The following MARF1 variants were observed in gnomAD, a reference collection of about 807,000 sequenced individuals.
The protein encoded by MARF1 is meiosis regulator and mRNA stability factor 1.
In MARF1, 24 loss-of-function variants were observed where a neutral mutation model predicts 168.2. The ratio of observed to expected loss-of-function variants is 0.14; its 90% CI spans 0.10 to 0.20. The LOEUF is 0.20. MARF1 is among the 10% of genes least tolerant of loss of function. The probability of loss-of-function intolerance (pLI) is 1.00; values close to 1 mark genes in which losing one functional copy is unlikely to be tolerated. For missense variants in MARF1, 1,744 were observed against 2,143.6 expected (o/e 0.81, Z 3.68); for synonymous variants, 868 against 822.4 (o/e 1.06, Z -0.95).
Position 15,639,141 on chromosome 16 carries a change from G to T in MARF1, c.93C>A (p.Phe31Leu), listed in dbSNP as rs370062296. The T allele has an allele frequency of 2.9e-5, 47 of 1,614,044 alleles. 1 individual carries two copies. The highest frequency in any genetic ancestry group is 3.8e-5 in the Non-Finnish European group (45 of 1,180,026). The change falls in exon 2 of 27, where the codon TTC becomes TTA. Residue 31 changes from phenylalanine (F) to leucine (L), a missense_variant. This residue lies in a region of MARF1 where 318 missense variants were observed against 336.6 expected (regional missense o/e 0.94). Coordinates refer to ENST00000396368, the MANE Select transcript of MARF1 (RefSeq NM_014647.4). Reference protein sequence around the residue: ...DNDAKPWLWKFSNCFSRPEQT... With the variant: ...DNDAKPWLWKLSNCFSRPEQT... ...GCTCAGGACGAGAAAAGCAATTAGA[G>T]AATTTCCAAAGCCATGGCTTAGCAT...
At position 15,608,477 on chromosome 16, in the gene MARF1, C is replaced by A; in HGVS notation, c.3996G>T (p.Glu1332Asp). The A allele has an allele frequency of 6.2e-7, 1 of 1,614,148 alleles. No individual in the cohort carries two copies. The highest frequency in any genetic ancestry group is 1.3e-5 in the African/African-American group (1 of 75,042). ...CAGCTAGAGCTTTGAACCGCTCCAC[C>A]TCTGTCAGAGTAAGGATCTTTTCTT... is the stretch of plus-strand genomic sequence containing the variant. ...CGEEKILTLT[E>D]VERFKALAAQ... The change falls in exon 21 of 27, where the codon GAG (glutamate) becomes GAT (aspartate). Residue 1332 changes from glutamate (E) to aspartate (D), a missense_variant. Physicochemically the swap from Glu to Asp is conservative, Grantham distance 45 (BLOSUM62 2). Around this residue, in one of 7 missense-constraint regions of MARF1, gnomAD observed 543 missense variants for 742.1 expected, o/e 0.73. Transcript: ENST00000396368.
chr16:15,621,355 G>A (rs2034447775), intron 12 of MARF1: 1 of 203,626 alleles, frequency 4.9e-6, no homozygotes, highest in African/African-American at 2.3e-5. Flanking sequence ...TCTGCAAATG[G>A]AGAGCTTGAA....
chr16:15,608,753 T>A, intron 20 of MARF1: 1 of 537,610 alleles, frequency 1.9e-6, no homozygotes, highest in East Asian at 2.9e-5. Flanking sequence ...AGTTCTATGT[T>A]ATGTGTATTG....
chr16:15,613,927 G>A (rs1052590162), intron 16 of MARF1, among the ~76,000 whole-genome samples: 1 of 152,070 alleles, frequency 6.6e-6, no homozygotes, highest in African/African-American at 2.4e-5. Flanking sequence ...AAAAGTGTTG[G>A]GGACAAAGAG....
chr16:15,641,580 A>G (rs1202381874), intron 1 of MARF1, among the ~76,000 whole-genome samples: 1 of 152,232 alleles, frequency 6.6e-6, no homozygotes, highest in Non-Finnish European at 1.5e-5. Context: ...TCTACTATGC[A>G]GCAGGCCTGT....
chr16:15,635,926 G>A lies in MARF1; in HGVS notation c.561C>T (p.Ser187=), dbSNP rs773666717. The A allele has an allele frequency of 6.2e-7, 1 of 1,614,094 alleles. No individual in the cohort carries two copies. Among genetic ancestry groups the A allele is most frequent in the Non-Finnish European group, 8.5e-7 (1 of 1,180,032 alleles). The stretch of plus-strand genomic sequence containing the variant: ...TTCCACAACAGGGCAGGTGTTTGCA[G>A]GAAGACAGGTTACTCTCTAGACACA... ...PSMCLESNLS[S]CKHLPCCGKL... Residue 187 remains serine, a synonymous_variant, in exon 3 of 27, where the codon TCC becomes TCT. Coordinates refer to ENST00000396368, the MANE Select transcript of MARF1 (RefSeq NM_014647.4).
Position 15,617,069 on chromosome 16 carries a change from G to C in MARF1, c.3060C>G (p.Gly1020=). The change falls in exon 15 of 27, where the codon GGC becomes GGG. Residue 1020 remains glycine (G), a synonymous_variant. Transcript: ENST00000396368. The part of the protein sequence containing the change: ...QVHSLLQTHE[G]TVPLLSFPDC... ...TGGTTCACCTCAATAAAGGCACGGT[G>C]CCCTCGTGGGTCTGGAGAAGACTGT... 6.2e-7 allele frequency: 1 copy of C among 1,613,420 alleles called. No individual in the cohort carries two copies. The highest frequency in any genetic ancestry group is 8.5e-7 in the Non-Finnish European group (1 of 1,179,874).
chr16:15,636,500 G>A (rs747519664), intron 2 of MARF1, among the ~76,000 whole-genome samples, 158 bp from the exon 3 acceptor site: 3 of 152,104 alleles, frequency 2.0e-5, no homozygotes, highest in Non-Finnish European at 4.4e-5. Context: ...TTAAAACCAG[G>A]AACATTCTTC....
intron 26 of MARF1, among the ~76,000 whole-genome samples, chr16:15,598,653 A>G (rs531932868): frequency 1.3e-5 from 2 of 151,624 alleles, no homozygotes; most frequent in East Asian, 3.9e-4. Context: ...CCCTTGCCTG[A>G]TGCTCGCCAG....
intron 18 of MARF1, 88 bp from the exon 19 acceptor site, chr16:15,611,196 C>T (rs1202430788): frequency 1.2e-5 from 15 of 1,296,836 alleles, no homozygotes; most frequent in Non-Finnish European, 1.5e-5. Context: ...CTGGGGCTCA[C>T]GCCTGTAATC....
At chr16:15,620,282 G>T (rs1339762573) in intron 13 of MARF1, among the ~76,000 whole-genome samples, 169 bp downstream of exon 13, 1 of 152,176 alleles carries the variant, frequency 6.6e-6, no homozygotes, top group African/African-American at 2.4e-5. Context: ...AATAAAAGAC[G>T]TTTTAAAACT....
Position 15,608,400 on chromosome 16 carries a change from G to C in MARF1, c.4073C>G (p.Thr1358Arg). ...TTTAGCATATTCTGTAAGGAGATCT[G>C]TCATCATAAGGCAGTTATCTTTTTG... ...RSQKDNCLMM[T>R]DLLTEYAKTF... The change falls in exon 21 of 27, where the codon ACA becomes AGA. Residue 1358 changes from threonine to arginine, a missense_variant. By Grantham distance (71) the Thr-to-Arg change is moderately conservative. Coordinates refer to ENST00000396368, the MANE Select transcript of MARF1 (RefSeq NM_014647.4). The C allele has an allele frequency of 6.2e-7, 1 of 1,613,780 alleles. No individual in the cohort carries two copies. The highest frequency in any genetic ancestry group is 8.5e-7 in the Non-Finnish European group (1 of 1,179,822).
At chr16:15,636,891 T>C (rs763039782) in intron 2 of MARF1, among the ~76,000 whole-genome samples, 10 of 152,148 alleles carry the variant, frequency 6.6e-5, no homozygotes, top group Non-Finnish European at 7.3e-5. Flanking sequence ...TGATGACATT[T>C]CATAAACCCT....
intron 12 of MARF1, among the ~76,000 whole-genome samples, chr16:15,621,023 T>C (rs2034417252): frequency 6.6e-6 from 1 of 151,900 alleles, no homozygotes. Context: ...CTGTGGATGG[T>C]TTTTTTTCCC....
At chr16:15,636,401 C>T in intron 2 of MARF1, 59 bp from the exon 3 acceptor site, 1 of 1,300,878 alleles carries the variant, frequency 7.7e-7, no homozygotes, top group Non-Finnish European at 1.1e-6. Flanking sequence ...TTTTTGGTTA[C>T]TCATATCTTA....
chr16:15,631,044 C>G (rs2035217557), intron 6 of MARF1, among the ~76,000 whole-genome samples: 1 of 152,144 alleles, frequency 6.6e-6, no homozygotes, highest in Non-Finnish European at 1.5e-5. Context: ...GCAGAAGAAT[C>G]ACTTCAACCT....
chr16:15,635,690 T>C lies in MARF1; in HGVS notation c.797A>G (p.Lys266Arg), dbSNP rs370206932. 4.7e-5 allele frequency: 76 copies of C among 1,614,066 alleles called. No individual in the cohort carries two copies. In the African/African-American group the frequency reaches 8.8e-4, roughly 19 times the overall value. The change falls in exon 3 of 27, where the codon AAG becomes AGG. Residue 266 changes from lysine to arginine, a missense_variant. This residue lies in a region of MARF1 where 318 missense variants were observed against 336.6 expected (regional missense o/e 0.94). Transcript: ENST00000396368. Reference protein sequence around the residue: ...HLNVVPPVCLKGSLYCEDCLN... With the variant: ...HLNVVPPVCLRGSLYCEDCLN... Reference sequence around the variant, plus strand: ...ACAGTCTTCGCAGTAAAGTGAGCCCTTTAAACAAACCGGAGGTACCACATT... The same window carrying C: ...ACAGTCTTCGCAGTAAAGTGAGCCCCTTAAACAAACCGGAGGTACCACATT...
chr16:15,617,565 TA>T (rs746586049), intron 13 of MARF1, 30 bp from the exon 14 acceptor site: 1 of 1,488,902 alleles, frequency 6.7e-7, no homozygotes, highest in South Asian at 1.2e-5. Flanking sequence ...GACGCTGACT[TA>T]GAAGGTTTTT....
Position 15,596,917 on chromosome 16 carries a change from C to T in MARF1, c.5005G>A (p.Glu1669Lys), listed in dbSNP as rs776029755. 8.7e-6 allele frequency: 14 copies of T among 1,606,562 alleles called. No individual in the cohort carries two copies. Among genetic ancestry groups the T allele is most frequent in the African/African-American group, 1.3e-5 (1 of 74,714 alleles). The change falls in exon 27 of 27, where the codon GAA (glutamate) becomes AAA (lysine). Residue 1669 changes from glutamate (E) to lysine (K), a missense_variant. Physicochemically the swap from Glu to Lys is moderately conservative, Grantham distance 56 (BLOSUM62 1). Coordinates refer to ENST00000396368, the MANE Select transcript of MARF1 (RefSeq NM_014647.4). ...GGTATTGGAATCTCCATTTTTTCTTCTTGGTTTAAAATCATAATTTCTGTA... is the reference window on the plus strand; with the variant it reads ...GGTATTGGAATCTCCATTTTTTCTTTTTGGTTTAAAATCATAATTTCTGTA... ...EPSEIMILNQ[E>K]EKMEIPIPGK...
Sources: gnomAD v4.1 joint callset for allele counts (sites outside exome capture counted in the v4.1 genomes callset) on GRCh38, gnomAD v4.1.1 for gene constraint, gnomAD v4.1.1 regional missense constraint, MANE v1.5 for transcripts, NCBI Gene and HGNC (gene_info 2026-07-23, HGNC 2026-07-21) for gene names.